Variants in FABP12 observed in about 807,000 individuals in gnomAD.
The protein encoded by FABP12 is fatty acid-binding protein 12.
A neutral mutation model predicts 13.7 loss-of-function variants in FABP12; 19 were observed. The observed-to-expected ratio is 1.39, with a 90% CI of 0.97 to 2.04. The LOEUF (loss-of-function observed/expected upper bound fraction) is 2.04. Among genes scored for constraint, FABP12 ranks in the 30% most tolerant of loss-of-function variants. The pLI is 0.00. For synonymous variants in FABP12, 61 were observed against 57.0 expected (o/e 1.07, Z -0.32); for missense variants, 182 against 164.2 (o/e 1.11, Z -0.59).
chr8:81,577,623 T>C (rs748181094), intron 1 of FABP12, among the ~76,000 whole-genome samples: 1 of 152,098 alleles, frequency 6.6e-6, no homozygotes, highest in Non-Finnish European at 1.5e-5. Context: ...TAGCTGGGCA[T>C]GGTGGCACAG....
upstream of FABP12, among the ~76,000 whole-genome samples, chr8:81,537,429 A>G (rs1331258805): frequency 6.6e-6 from 1 of 152,052 alleles, no homozygotes; most frequent in South Asian, 2.1e-4. Context: ...TTATCACCTT[A>G]GCAATATTAA....
At chr8:81,549,887 T>C (rs1809497333) in intron 1 of FABP12, among the ~76,000 whole-genome samples, 1 of 152,196 alleles carries the variant, frequency 6.6e-6, no homozygotes, top group African/African-American at 2.4e-5. Context: ...AACTTTTTGC[T>C]CACATACATC....
At chr8:81,540,612 G>A (rs1809320141) in intron 1 of FABP12, among the ~76,000 whole-genome samples, 1 of 152,216 alleles carries the variant, frequency 6.6e-6, no homozygotes, top group South Asian at 2.1e-4. Context: ...CAGATCTGTG[G>A]AAACTAAGGA....
At chr8:81,565,655 C>G (rs930850316) in intron 1 of FABP12, among the ~76,000 whole-genome samples, 9 of 151,826 alleles carry the variant, frequency 5.9e-5, no homozygotes, top group Non-Finnish European at 1.2e-4. Context: ...GATACCAAAA[C>G]CTTTGGGATA....
At chr8:81,588,466 A>G (rs1270787445) in intron 1 of FABP12, among the ~76,000 whole-genome samples, 1 of 152,184 alleles carries the variant, frequency 6.6e-6, no homozygotes, top group Non-Finnish European at 1.5e-5. Flanking sequence ...CACTGTTGGT[A>G]TGTATAAATG....
chr8:81,582,273 C>T (rs1485353563), intron 1 of FABP12, among the ~76,000 whole-genome samples: 3 of 151,808 alleles, frequency 2.0e-5, no homozygotes, highest in African/African-American at 7.3e-5. Flanking sequence ...CAGGCGTACT[C>T]CATCACGCCT....
At chr8:81,531,943 G>GCACACACACA (rs10554665) in intron 1 of FABP12, among the ~76,000 whole-genome samples, 2 of 147,762 alleles carry the variant, frequency 1.4e-5, no homozygotes, top group African/African-American at 2.5e-5. Context: ...ACAAACACAT[G>GCACACACACA]CACACACACA....
In FABP12 at chr8:81,529,584, CCA is replaced by C. The variant is rs1316746106; in HGVS notation, c.98_99del (p.Leu33ArgfsTer26). The C allele has an allele frequency of 1.9e-6, 3 of 1,613,620 alleles. No homozygotes were observed. The highest frequency in any genetic ancestry group is 2.7e-5 in the African/African-American group (2 of 74,890). On this transcript the variant is annotated frameshift_variant, in exon 3 of 5. Transcript: ENST00000360464. LOFTEE classifies it high-confidence loss of function. Reference sequence around the variant, plus strand: ...GTCACAGTGGGTTTTGCCAAACGGCCCAGTTTCCTGCTGGCTCTTCCTATACC... The same window carrying C: ...GTCACAGTGGGTTTTGCCAAACGGCCGTTTCCTGCTGGCTCTTCCTATACC...
intron 1 of FABP12, among the ~76,000 whole-genome samples, chr8:81,554,581 G>C (rs1809575715): frequency 6.6e-6 from 1 of 152,082 alleles, no homozygotes; most frequent in Non-Finnish European, 1.5e-5. Context: ...TTGTGTAGGA[G>C]CTGCGACAGT....
chr8:81,531,203 C>T (rs1416504121), intron 2 of FABP12, 40 bp downstream of exon 2: 1 of 1,409,266 alleles, frequency 7.1e-7, no homozygotes, highest in Non-Finnish European at 1.0e-6. Context: ...TCAAAATGCC[C>T]ATTTTTACTG....
At chr8:81,578,728 T>A (rs1810098241) in intron 1 of FABP12, among the ~76,000 whole-genome samples, 1 of 146,452 alleles carries the variant, frequency 6.8e-6, no homozygotes, top group Admixed American at 6.7e-5. Flanking sequence ...TTGTGATCCG[T>A]CCACCTCGGC....
At chr8:81,568,654 A>G (rs2130065679) in intron 1 of FABP12, among the ~76,000 whole-genome samples, 1 of 152,310 alleles carries the variant, frequency 6.6e-6, no homozygotes, top group East Asian at 1.9e-4. Flanking sequence ...AGAGGAAATC[A>G]GTATATCAGA....
intron 1 of FABP12, among the ~76,000 whole-genome samples, chr8:81,552,340 C>T (rs1809535410): frequency 6.6e-6 from 1 of 152,092 alleles, no homozygotes; most frequent in East Asian, 1.9e-4. Context: ...AGTGCCAAAG[C>T]AGGAAGTGTT....
intron 4 of FABP12, chr8:81,526,298 C>G (rs1271169578): frequency 2.0e-5 from 3 of 152,170 alleles, no homozygotes; most frequent in Admixed American, 1.3e-4. Context: ...GAAGGAAAAT[C>G]ATGAACACAC....
At chr8:81,568,059 CT>C (rs1244818946) in intron 1 of FABP12, among the ~76,000 whole-genome samples, 1 of 151,140 alleles carries the variant, frequency 6.6e-6, no homozygotes, top group Admixed American at 6.6e-5. Context: ...GGAAGCGGAG[CT>C]TGCAGTGAGC....
chr8:81,541,875 A>G (rs1196949050), intron 1 of FABP12, among the ~76,000 whole-genome samples: 1 of 150,324 alleles, frequency 6.7e-6, no homozygotes, highest in Non-Finnish European at 1.5e-5. Context: ...CAACAGCTCA[A>G]CAAATAGGAC....
At chr8:81,572,554 T>G (rs1809953178) in intron 1 of FABP12, among the ~76,000 whole-genome samples, 1 of 152,346 alleles carries the variant, frequency 6.6e-6, no homozygotes, top group South Asian at 2.1e-4. Flanking sequence ...GCGGCTGTAC[T>G]AGTTTACATT....
intron 1 of FABP12, among the ~76,000 whole-genome samples, chr8:81,567,484 G>C (rs898888148): frequency 6.6e-6 from 1 of 152,106 alleles, no homozygotes; most frequent in Non-Finnish European, 1.5e-5. Context: ...GGACACAAGA[G>C]AACCCAGAAA....
In FABP12 at chr8:81,541,700, T is replaced by G. The variant is rs183632272; in HGVS notation, c.-184-1957A>C. Among the ~76,000 whole-genome samples the G allele has an allele frequency of 4.6e-3, 696 of 152,192 alleles. 3 individuals carry two copies. The highest frequency in any genetic ancestry group is 4.7e-3 in the Non-Finnish European group (320 of 68,002). On this transcript the variant is annotated intron_variant, in intron 1 of 5. Coordinates refer to the FABP12 transcript ENST00000692030. ...TTGCTGACAGTCAACCTGCCTGGTA[T>G]TTTAAGTACTGCCTTCTAGAAGTCT...
Sources: allele counts gnomAD v4.1 joint callset (sites outside exome capture counted in the v4.1 genomes callset), GRCh38; gene constraint gnomAD v4.1.1; transcripts MANE v1.5; gene names NCBI Gene and HGNC (gene_info 2026-07-23, HGNC 2026-07-21).